Variants in LPIN2 observed in about 807,000 individuals in gnomAD.
LPIN2 encodes the protein lipin 2.
A neutral mutation model predicts 111.4 loss-of-function variants in LPIN2; 55 were observed. That is an observed-to-expected ratio of 0.49 (90% CI 0.40 to 0.62). The LOEUF (loss-of-function observed/expected upper bound fraction) is 0.62. Among genes scored for constraint, LPIN2 ranks in the 20% least tolerant of loss-of-function variants. The pLI, the probability that LPIN2 is intolerant of heterozygous loss-of-function variation, is 0.00. For synonymous variants in LPIN2, 425 were observed against 414.0 expected, an observed-to-expected ratio of 1.03 and a Z score of -0.32; for missense variants, 992 against 1,112.1, an observed-to-expected ratio of 0.89 and a Z score of 1.54.
chr18:2,937,727 G>T lies in LPIN2; in HGVS notation c.1133C>A (p.Pro378Gln). The T allele has an allele frequency of 6.2e-7, 1 of 1,614,022 alleles. No homozygotes were observed. Among genetic ancestry groups the T allele is most frequent in the Non-Finnish European group, 8.5e-7 (1 of 1,180,026 alleles). The change falls in exon 7 of 20, where the codon CCG becomes CAG. Residue 378 changes from proline (P) to glutamine (Q), a missense_variant. Physicochemically the swap from Pro to Gln is moderately conservative, Grantham distance 76 (BLOSUM62 -1). Around this residue, in one of 4 missense-constraint regions of LPIN2, gnomAD observed 709 missense variants for 753.2 expected, o/e 0.94. Coordinates refer to ENST00000677752, the MANE Select transcript of LPIN2 (RefSeq NM_001375808.2). ...TGACGGCGAGTCTACTTTAGCTGCC[G>T]GTTTGGATTCTGAGGGCGCCTCCGC... ...ALAEAPSESK[P>Q]AAKVDSPSKK...
chr18:3,002,000 A>G (rs2078441396), intron 1 of LPIN2, among the ~76,000 whole-genome samples: 1 of 152,160 alleles, frequency 6.6e-6, no homozygotes, highest in African/African-American at 2.4e-5. Context: ...CCTATGGTCC[A>G]TCTGACCTGT....
At chr18:2,938,092 T>C in intron 6 of LPIN2, 55 bp from the exon 7 acceptor site, 1 of 1,364,774 alleles carries the variant, frequency 7.3e-7, no homozygotes, top group Non-Finnish European at 1.0e-6. Flanking sequence ...TTTGTTATAA[T>C]CTATTTCCTA....
intron 13 of LPIN2, among the ~76,000 whole-genome samples, chr18:2,926,191 G>A (rs1346823974): frequency 6.6e-6 from 1 of 152,128 alleles, no homozygotes; most frequent in Non-Finnish European, 1.5e-5. Context: ...GGCGGTAAGG[G>A]GCAAGAAAAT....
intron 1 of LPIN2, among the ~76,000 whole-genome samples, chr18:2,963,165 A>G (rs1424841580): frequency 6.6e-6 from 1 of 152,256 alleles, no homozygotes; most frequent in African/African-American, 2.4e-5. Flanking sequence ...GGAGGCCTGT[A>G]GCTTAACATG....
chr18:2,980,141 T>C (rs1046594498), intron 1 of LPIN2, among the ~76,000 whole-genome samples: 10 of 152,176 alleles, frequency 6.6e-5, no homozygotes, highest in Non-Finnish European at 1.3e-4. Context: ...CAGAAAATGT[T>C]TGTCTCAAAA....
intron 16 of LPIN2, among the ~76,000 whole-genome samples, chr18:2,923,345 G>C (rs2077083015): frequency 7.1e-6 from 1 of 141,734 alleles, no homozygotes; most frequent in South Asian, 2.2e-4. Flanking sequence ...ACTTGAACCC[G>C]GGAGGCGGAG....
At position 2,928,735 on chromosome 18, in the gene LPIN2, G is replaced by A. The variant is rs1009157682; in HGVS notation, c.1551-75C>T. On this transcript the variant is annotated intron_variant, in intron 10 of 19. Coordinates refer to ENST00000677752, the MANE Select transcript of LPIN2 (RefSeq NM_001375808.2). Reference sequence around the variant, plus strand: ...AGAGAGAGGGGAGGGAATCAGGGAGGGAGGGAGGAGGGAAGTGACATATAA... The same window carrying A: ...AGAGAGAGGGGAGGGAATCAGGGAGAGAGGGAGGAGGGAAGTGACATATAA... The A allele has an allele frequency of 1.3e-5, 13 of 1,039,734 alleles. No individual in the cohort carries two copies. The South Asian group carries it at 1.4e-4, about 11-fold the overall frequency. The allele number at this position is 1,039,734 out of a possible 1,614,324, so 64.4% of individuals were successfully genotyped here.
intron 1 of LPIN2, among the ~76,000 whole-genome samples, chr18:2,984,275 T>C (rs771985927): frequency 6.6e-6 from 1 of 152,190 alleles, no homozygotes; most frequent in African/African-American, 2.4e-5. Flanking sequence ...CCCAGCATAG[T>C]ATCGTGGACC....
rs750126005 is a variant in LPIN2 at position 2,951,056 on chromosome 18, G to T, written c.589C>A (p.Arg197=). Residue 197 remains arginine, a splice_region_variant and synonymous_variant, in exon 4 of 20, where the codon CGA becomes AGA. Coordinates refer to ENST00000677752, the MANE Select transcript of LPIN2 (RefSeq NM_001375808.2). The part of the protein sequence containing the change: ...SDDDKGAQAA[R]GSSNASLKEE... ...CCCTTCCCAGGCTGAGAGTCCTACC[G>T]TGCTGCCTGGGCCCCCTTGTCATCA... 6.2e-7 allele frequency: 1 copy of T among 1,613,994 alleles called. No individual in the cohort carries two copies. The highest frequency in any genetic ancestry group is 8.5e-7 in the Non-Finnish European group (1 of 1,180,014).
rs534596060 is a variant in LPIN2, at chr18:2,967,391, G to A, written c.-9-6542C>T. Among the ~76,000 whole-genome samples the A allele has an allele frequency of 1.7e-4, 26 of 152,248 alleles. 1 individual carries two copies. In the South Asian group the frequency reaches 5.2e-3, roughly 30 times the overall value. On this transcript the variant is annotated intron_variant, in intron 1 of 19. Coordinates refer to ENST00000677752, the MANE Select transcript of LPIN2 (RefSeq NM_001375808.2). Reference sequence around the variant, plus strand: ...CTAGAGGTGGCCAATATGAATCTGGGGGGGATTCTGGATGGTAAAAACTTC... The same window carrying A: ...CTAGAGGTGGCCAATATGAATCTGGAGGGGATTCTGGATGGTAAAAACTTC...
intron 1 of LPIN2, among the ~76,000 whole-genome samples, chr18:2,965,225 C>T (rs890637847): frequency 2.6e-5 from 4 of 151,994 alleles, no homozygotes; most frequent in South Asian, 2.1e-4. Context: ...AAATTCAATA[C>T]GCCAAATTAG....
At chr18:2,932,330 C>T (rs1459914685) in intron 8 of LPIN2, among the ~76,000 whole-genome samples, 1 of 152,120 alleles carries the variant, frequency 6.6e-6, no homozygotes, top group Non-Finnish European at 1.5e-5. Flanking sequence ...AAAACAGTGA[C>T]CCAGAGGTTT....
chr18:2,939,551 G>T lies in LPIN2; in HGVS notation c.751C>A (p.Pro251Thr), dbSNP rs1350091087. 1 of 1,614,072 alleles carries T rather than the reference G, an allele frequency of 6.2e-7. No individual in the cohort carries two copies. Among genetic ancestry groups the T allele is most frequent in the Non-Finnish European group, 8.5e-7 (1 of 1,179,970 alleles). Residue 251 changes from proline to threonine, a missense_variant, in exon 6 of 20, where the codon CCT (proline) becomes ACT (threonine). By Grantham distance (38) the Pro-to-Thr change is conservative (BLOSUM62 -1). Coordinates refer to ENST00000677752, the MANE Select transcript of LPIN2 (RefSeq NM_001375808.2). Reference sequence around the variant, plus strand: ...TCTGATCTGAGCAGGCTCTCCGCAGGTTTCACCTCCAGCTCTGAATCACTC... The same window carrying T: ...TCTGATCTGAGCAGGCTCTCCGCAGTTTTCACCTCCAGCTCTGAATCACTC... ...PKSDSELEVK[P>T]AESLLRSESH...
At chr18:2,992,974 CAAA>C (rs59159362) in intron 1 of LPIN2, among the ~76,000 whole-genome samples, 13 of 97,314 alleles carry the variant, frequency 1.3e-4, no homozygotes, top group African/African-American at 1.6e-4. Flanking sequence ...AGACCCGTCT[CAAA>C]AAAAAAAAAA....
chr18:2,941,289 A>G (rs993665169), intron 4 of LPIN2, among the ~76,000 whole-genome samples: 6 of 152,330 alleles, frequency 3.9e-5, no homozygotes, highest in East Asian at 3.9e-4. Context: ...GTTTGGCCCA[A>G]GGATTATCTG....
At chr18:2,928,707 G>T in intron 10 of LPIN2, 47 bp from the exon 11 acceptor site, 1 of 1,420,726 alleles carries the variant, frequency 7.0e-7, no homozygotes, top group Non-Finnish European at 1.0e-6. Flanking sequence ...GTGAAAGTGA[G>T]CAAGAGAGAG....
chr18:3,003,543 ACTT>A (rs1257699905), intron 1 of LPIN2, among the ~76,000 whole-genome samples: 2 of 152,312 alleles, frequency 1.3e-5, no homozygotes, highest in African/African-American at 4.8e-5. Flanking sequence ...TACCTTTATA[ACTT>A]CTTAAGCCTG....
chr18:2,981,787 A>ATAAT (rs1471127320), intron 1 of LPIN2, among the ~76,000 whole-genome samples: 3,474 of 152,314 alleles, frequency 0.023, 118 homozygotes, highest in African/African-American at 0.079. Flanking sequence ...AGCAAAAAGC[A>ATAAT]GAGTGTGATA....
At chr18:2,922,580 A>G (rs1266018000) in intron 16 of LPIN2, among the ~76,000 whole-genome samples, 1 of 152,176 alleles carries the variant, frequency 6.6e-6, no homozygotes, top group Non-Finnish European at 1.5e-5. Flanking sequence ...CTCAACCCAT[A>G]CTTTTCTTTT....
Sources: allele counts gnomAD v4.1 joint callset (sites outside exome capture counted in the v4.1 genomes callset), GRCh38; gene constraint gnomAD v4.1.1; regional missense constraint gnomAD v4.1.1; transcripts MANE v1.5; gene names NCBI Gene and HGNC (gene_info 2026-07-23, HGNC 2026-07-21).